GOSR2: variants seen among roughly 807,000 people sequenced by gnomAD.
The protein encoded by GOSR2 is 27 kDa Golgi SNARE protein.
Under a neutral mutation model 27.9 loss-of-function variants are expected in GOSR2, and 20 were observed. That is an observed-to-expected ratio of 0.72 (90% CI 0.50 to 1.04). The LOEUF (loss-of-function observed/expected upper bound fraction) is 1.04. GOSR2 is among the 50% of genes least tolerant of loss of function. The pLI, the probability that GOSR2 is intolerant of heterozygous loss-of-function variation, is 0.00. For missense variants in GOSR2, 261 were observed against 270.5 expected, an observed-to-expected ratio of 0.97 and a Z score of 0.25; for synonymous variants, 91 against 98.8, an observed-to-expected ratio of 0.92 and a Z score of 0.47.
At chr17:46,935,381 A>G in intron 5 of GOSR2, 1 of 1,441,584 alleles carries the variant, frequency 6.9e-7, no homozygotes, top group Non-Finnish European at 9.1e-7. Context: ...GAAACAAACC[A>G]TGAAGTGGCC....
At position 46,940,404 on chromosome 17, in the gene GOSR2, T is replaced by G. The variant is rs1349430576; in HGVS notation, c.*1644T>G. Reference sequence around the variant, plus strand: ...GGGTGGACTGGGGGGTTGCAGCATCTTTAGACCTAGATCTGTCTAACTCTG... The same window carrying G: ...GGGTGGACTGGGGGGTTGCAGCATCGTTAGACCTAGATCTGTCTAACTCTG... On this transcript the variant is annotated 3_prime_UTR_variant, in exon 6 of 6. Transcript: ENST00000640051. The G allele has an allele frequency of 6.3e-7, 1 of 1,577,720 alleles. No homozygotes were observed. Among genetic ancestry groups the G allele is most frequent in the African/African-American group, 1.3e-5 (1 of 74,568 alleles).
In GOSR2 at chr17:46,939,397, GT is replaced by G; in HGVS notation, c.*640del. 1 of 995,458 alleles carries G rather than the reference GT, an allele frequency of 1.0e-6. No individual in the cohort carries two copies. The highest frequency in any genetic ancestry group is 1.2e-6 in the Non-Finnish European group (1 of 834,648). 61.7% of individuals were successfully genotyped at this position (995,458 alleles called of 1,614,324 possible). On this transcript the variant is annotated 3_prime_UTR_variant, in exon 6 of 6. Transcript: ENST00000640051. ...AAGATTTTCCACACTACAGCTGGGT[GT>G]TTCTCTTTTCTAAAGTGAGGCCAGT...
intron 6 of GOSR2, among the ~76,000 whole-genome samples, chr17:46,955,913 A>G (rs2090676041): frequency 1.3e-5 from 2 of 152,130 alleles, no homozygotes; most frequent in Admixed American, 6.5e-5. Context: ...TCTCCATCAG[A>G]CTAGCAACTT....
chr17:46,939,914 T>C lies in GOSR2; in HGVS notation c.*1154T>C. ...GTCTCAGAAAGACCTGGTTAGTGTA[T>C]GTTCTCATTTACCACAGGCCTACCA... On this transcript the variant is annotated 3_prime_UTR_variant, in exon 6 of 6. Coordinates refer to ENST00000640051, the MANE Select transcript of GOSR2 (RefSeq NM_004287.5). 1.0e-6 allele frequency: 1 copy of C among 998,482 alleles called. No individual in the cohort carries two copies. 61.9% of individuals were successfully genotyped at this position (998,482 alleles called of 1,614,324 possible).
intron 5 of GOSR2, 82 bp downstream of exon 5, chr17:46,935,251 A>G: frequency 5.6e-6 from 9 of 1,607,748 alleles, no homozygotes; most frequent in Non-Finnish European, 7.7e-6. Flanking sequence ...TTATATTTTG[A>G]TTACGTGTCC....
chr17:46,931,809 A>G, intron 3 of GOSR2: 3 of 547,796 alleles, frequency 5.5e-6, no homozygotes, highest in Non-Finnish European at 9.8e-6. Context: ...GTTCTCTGTC[A>G]TGCATCCAGA....
At chr17:46,958,755 T>C (rs187550457) in intron 6 of GOSR2, among the ~76,000 whole-genome samples, 2 of 152,260 alleles carry the variant, frequency 1.3e-5, no homozygotes, top group East Asian at 3.9e-4. Context: ...AAGTCAAAGG[T>C]TCTGGGACAT....
chr17:46,926,509 A>G (rs2086523255), intron 1 of GOSR2, among the ~76,000 whole-genome samples: 1 of 152,140 alleles, frequency 6.6e-6, no homozygotes, highest in Non-Finnish European at 1.5e-5. Flanking sequence ...CTGCTTTGTT[A>G]TATTATCACC....
chr17:46,946,479 AG>A (rs1375232023), downstream of GOSR2, among the ~76,000 whole-genome samples: 3 of 142,368 alleles, frequency 2.1e-5, no homozygotes, highest in Non-Finnish European at 4.6e-5. Flanking sequence ...AAAAAAAAAA[AG>A]TAGGTGGCCT....
chr17:46,924,771 A>C (rs921220382), intron 1 of GOSR2, among the ~76,000 whole-genome samples: 3 of 152,216 alleles, frequency 2.0e-5, no homozygotes, highest in African/African-American at 7.2e-5. Flanking sequence ...CTAGTCTGTG[A>C]GTAATTTAGA....
downstream of GOSR2, among the ~76,000 whole-genome samples, chr17:46,944,350 C>T (rs1442047253): frequency 6.6e-6 from 1 of 152,236 alleles, no homozygotes; most frequent in Non-Finnish European, 1.5e-5. Flanking sequence ...TGGCAGCAAC[C>T]ACGGGCCACA....
chr17:46,941,813 TG>T lies in GOSR2; in HGVS notation c.*3055del. On this transcript the variant is annotated 3_prime_UTR_variant, in exon 6 of 6. Transcript: ENST00000640051. ...GTTGACCAGATTGGTCTTAAACTCCTGGCCTCAAGTGATCTGCCTGCTTCGG... is the reference window on the plus strand; with the variant it reads ...GTTGACCAGATTGGTCTTAAACTCCTGCCTCAAGTGATCTGCCTGCTTCGG... 2.9e-6 allele frequency: 1 copy of T among 342,094 alleles called. No individual in the cohort carries two copies. Among genetic ancestry groups the T allele is most frequent in the Non-Finnish European group, 4.1e-6 (1 of 241,828 alleles). 21.2% of individuals were successfully genotyped at this position (342,094 alleles called of 1,614,324 possible).
chr17:46,951,440 G>T (rs896032157), intron 6 of GOSR2, among the ~76,000 whole-genome samples: 1 of 152,196 alleles, frequency 6.6e-6, no homozygotes, highest in Non-Finnish European at 1.5e-5. Context: ...TGCCGCGCCA[G>T]CCCACGTCTC....
chr17:46,971,872 G>A (rs1219182602), downstream of GOSR2, among the ~76,000 whole-genome samples: 1 of 152,240 alleles, frequency 6.6e-6, no homozygotes, highest in Non-Finnish European at 1.5e-5. Flanking sequence ...GGCCACACCT[G>A]TTGGGCACCT....
rs2088972046 is a variant in GOSR2, at chr17:46,939,597, C to T, written c.*837C>T. 4 of 985,352 alleles carry T rather than the reference C, an allele frequency of 4.1e-6. No homozygotes were observed. Among genetic ancestry groups the T allele is most frequent in the African/African-American group, 1.7e-5 (1 of 57,244 alleles). The allele number at this position is 985,352 out of a possible 1,614,324, so 61.0% of individuals were successfully genotyped here. A position where few individuals can be genotyped will look rare whatever the true frequency, so the allele number is the denominator to read the frequency against. On this transcript the variant is annotated 3_prime_UTR_variant, in exon 6 of 6. Transcript: ENST00000640051. ...GCAAAGATTTGTGATTTTCCAATTA[C>T]AGTCTCAGCTCTAGTTTTAGTATCT...
intron 6 of GOSR2, among the ~76,000 whole-genome samples, chr17:46,948,063 G>A (rs936746908): frequency 2.0e-5 from 3 of 151,240 alleles, no homozygotes; most frequent in African/African-American, 7.2e-5. Context: ...GAGCCACCGC[G>A]CCCAGCCTAG....
At chr17:46,923,268 A>T (rs2085966713) in intron 1 of GOSR2, 47 bp downstream of exon 1, 1 of 1,550,204 alleles carries the variant, frequency 6.5e-7, no homozygotes. Context: ...AGGCGAGGCC[A>T]GGTGAGCCTG....
Position 46,939,194 on chromosome 17 carries a change from G to T in GOSR2, c.*434G>T. 1.8e-6 allele frequency: 2 copies of T among 1,083,234 alleles called. No homozygotes were observed. Among genetic ancestry groups the T allele is most frequent in the Non-Finnish European group, 2.3e-6 (2 of 885,454 alleles). 67.1% of individuals were successfully genotyped at this position (1,083,234 alleles called of 1,614,324 possible). A position where few individuals can be genotyped will look rare whatever the true frequency, so the allele number is the denominator to read the frequency against. On this transcript the variant is annotated 3_prime_UTR_variant, in exon 6 of 6. Transcript: ENST00000640051. The stretch of plus-strand genomic sequence containing the variant: ...GAGCAAAAGTGGAAAGGAAAGGAAA[G>T]AGGCCTTTTCTCACAGCCATTATAT...
At chr17:46,935,773 TCCAGCC>T (rs569978211) in intron 5 of GOSR2, 1,130 of 986,858 alleles carry the variant, frequency 1.1e-3, no homozygotes, top group Non-Finnish European at 1.3e-3. Context: ...CTGCTGAGAC[TCCAGCC>T]CCTGGGAGTG....
Sources: allele counts gnomAD v4.1 joint callset (sites outside exome capture counted in the v4.1 genomes callset), GRCh38; gene constraint gnomAD v4.1.1; transcripts MANE v1.5; gene names NCBI Gene and HGNC (gene_info 2026-07-23, HGNC 2026-07-21).